Variants in GNA14 observed in about 807,000 individuals in gnomAD.
The protein encoded by GNA14 is guanine nucleotide-binding protein subunit alpha-14.
A neutral mutation model predicts 42.0 loss-of-function variants in GNA14; 50 were observed. The ratio of observed to expected loss-of-function variants is 1.19; its 90% CI spans 0.95 to 1.51. GNA14 has a LOEUF of 1.51. Ranked by LOEUF, GNA14 falls within the 40% of genes most tolerant of loss-of-function variation. GNA14 has a pLI of 0.00. For synonymous variants in GNA14, 173 were observed against 163.1 expected, an observed-to-expected ratio of 1.06 and a Z score of -0.46; for missense variants, 473 against 446.2, an observed-to-expected ratio of 1.06 and a Z score of -0.54.
In GNA14 at chr9:77,436,824, G is replaced by A. The variant is rs115878421; in HGVS notation, c.310-2302C>T. On this transcript the variant is annotated intron_variant, in intron 2 of 6. Coordinates refer to ENST00000341700, the MANE Select transcript of GNA14 (RefSeq NM_004297.4). ...TAATAGGTGTCTTCTATGGATAGGC[G>A]CATTCAGTAAACATCTGTGGTGCAT... Among the ~76,000 whole-genome samples, 8 of 152,310 alleles carry A rather than the reference G, an allele frequency of 5.3e-5. No homozygotes were observed. In the South Asian group the frequency reaches 6.2e-4, roughly 12 times the overall value.
rs569413684 is a variant in GNA14 at position 77,428,906 on chromosome 9, C to G, written c.723+1G>C. 6.2e-7 allele frequency: 1 copy of G among 1,613,288 alleles called. No individual in the cohort carries two copies. The highest frequency in any genetic ancestry group is 1.1e-5 in the South Asian group (1 of 90,878). ...CTACCCAAACTTCCCGCCCAGCATA[C>G]CTCGTTGTCACACTCAGCCAGGACC... On this transcript the variant is annotated splice_donor_variant, in intron 5 of 6. Transcript: ENST00000341700. LOFTEE classifies it high-confidence loss of function.
chr9:77,641,066 G>C (rs142407939), intron 1 of GNA14, among the ~76,000 whole-genome samples: 1,005 of 33,006 alleles, frequency 0.03, 96 homozygotes, highest in African/African-American at 0.11. Context: ...AGGAAGGAGG[G>C]GAGGGGAGGG....
chr9:77,474,597 C>T (rs1217452854), intron 2 of GNA14, among the ~76,000 whole-genome samples: 1 of 152,198 alleles, frequency 6.6e-6, no homozygotes, highest in Non-Finnish European at 1.5e-5. Context: ...GACATTTCCT[C>T]ACCTAGTTAA....
At chr9:77,600,713 T>C (rs899574610) in intron 1 of GNA14, among the ~76,000 whole-genome samples, 2 of 151,790 alleles carry the variant, frequency 1.3e-5, no homozygotes, top group Non-Finnish European at 2.9e-5. Flanking sequence ...AGGTCAGGAG[T>C]TCGAGACCAG....
chr9:77,616,512 G>T (rs1823820118), intron 1 of GNA14, among the ~76,000 whole-genome samples: 1 of 152,220 alleles, frequency 6.6e-6, no homozygotes, highest in South Asian at 2.1e-4. Flanking sequence ...GCAGCAGGAA[G>T]ATGGGGGCAC....
At chr9:77,440,702 T>C (rs1835717832) in intron 2 of GNA14, among the ~76,000 whole-genome samples, 1 of 152,132 alleles carries the variant, frequency 6.6e-6, no homozygotes, top group African/African-American at 2.4e-5. Context: ...TCTACTCCCT[T>C]AGCAATTTCC....
intron 2 of GNA14, among the ~76,000 whole-genome samples, chr9:77,489,977 C>G (rs1006247253): frequency 2.0e-5 from 3 of 152,132 alleles, no homozygotes; most frequent in African/African-American, 7.2e-5. Context: ...TTGGTAGAGC[C>G]GAGCAGCCTG....
chr9:77,493,297 C>T (rs374945484), intron 2 of GNA14, among the ~76,000 whole-genome samples: 8 of 151,994 alleles, frequency 5.3e-5, no homozygotes, highest in Non-Finnish European at 8.8e-5. Context: ...CATTTGGATA[C>T]GGGCATTTAG....
intron 2 of GNA14, among the ~76,000 whole-genome samples, chr9:77,449,702 T>A (rs7871778): frequency 0.024 from 3,654 of 152,238 alleles, 139 homozygotes; most frequent in African/African-American, 0.083. Flanking sequence ...CAATTCCCTG[T>A]CAAACAGGTT....
rs7047909 is a variant in GNA14 at position 77,469,200 on chromosome 9, A to G, written c.310-34678T>C. 6.9e-3 allele frequency among the ~76,000 whole-genome samples: 1,043 copies of G among 152,108 alleles called. 14 individuals carry two copies. Among genetic ancestry groups the G allele is most frequent in the African/African-American group, 0.024 (995 of 41,488 alleles). ...AGTTCCCTCTCTTCCTTCTTATGAG[A>G]CCTATCATTCATCCATCCAGACTTA... is the stretch of plus-strand genomic sequence containing the variant. On this transcript the variant is annotated intron_variant, in intron 2 of 6. Transcript: ENST00000341700.
At chr9:77,565,808 G>T (rs902564655) in intron 1 of GNA14, among the ~76,000 whole-genome samples, 2 of 152,242 alleles carry the variant, frequency 1.3e-5, no homozygotes, top group Admixed American at 1.3e-4. Context: ...TACTGATGTG[G>T]CTAACATTGT....
intron 6 of GNA14, among the ~76,000 whole-genome samples, chr9:77,424,370 G>A (rs960875448): frequency 2.0e-5 from 3 of 152,108 alleles, no homozygotes; most frequent in Non-Finnish European, 4.4e-5. Context: ...TTACAGATGC[G>A]TACCACCACA....
At chr9:77,628,155 GAATAA>G (rs1378586105) in intron 1 of GNA14, among the ~76,000 whole-genome samples, 1 of 152,086 alleles carries the variant, frequency 6.6e-6, no homozygotes, top group Non-Finnish European at 1.5e-5. Flanking sequence ...GCTACAAAGA[GAATAA>G]AATACCTAGG....
At chr9:77,640,838 G>T (rs1481617094) in intron 1 of GNA14, among the ~76,000 whole-genome samples, 2 of 141,980 alleles carry the variant, frequency 1.4e-5, no homozygotes, top group African/African-American at 5.4e-5. Context: ...AGACGAGCCT[G>T]GGGCATGTTA....
chr9:77,630,392 A>G (rs1028001760), intron 1 of GNA14, among the ~76,000 whole-genome samples: 1 of 152,162 alleles, frequency 6.6e-6, no homozygotes, highest in Non-Finnish European at 1.5e-5. Context: ...TGCTAGGACT[A>G]CAGACATGAG....
intron 1 of GNA14, among the ~76,000 whole-genome samples, chr9:77,540,962 T>G (rs1055770038): frequency 2.0e-5 from 3 of 152,194 alleles, no homozygotes; most frequent in Non-Finnish European, 4.4e-5. Flanking sequence ...TTCAAGGTTA[T>G]TATTGATATG....
chr9:77,538,960 A>C (rs2131775005), intron 1 of GNA14, among the ~76,000 whole-genome samples: 1 of 152,354 alleles, frequency 6.6e-6, no homozygotes, highest in African/African-American at 2.4e-5. Context: ...ACAAAGAGGT[A>C]CAATTTGACT....
intron 1 of GNA14, among the ~76,000 whole-genome samples, chr9:77,615,857 GT>G (rs946629591): frequency 2.3e-5 from 3 of 130,604 alleles, no homozygotes; most frequent in African/African-American, 1.2e-4. Flanking sequence ...TTGTTTTTTT[GT>G]TTTTTGGGGT....
At chr9:77,431,940 G>T (rs935209993) in intron 3 of GNA14, among the ~76,000 whole-genome samples, 34 of 152,130 alleles carry the variant, frequency 2.2e-4, no homozygotes, top group Admixed American at 1.7e-3. Flanking sequence ...ACAGGCCGAG[G>T]AGAAATTCAA....
Sources: gnomAD v4.1 joint callset for allele counts (sites outside exome capture counted in the v4.1 genomes callset) on GRCh38, gnomAD v4.1.1 for gene constraint, MANE v1.5 for transcripts, NCBI Gene and HGNC (gene_info 2026-07-23, HGNC 2026-07-21) for gene names.